Variants in CSMD1 observed in about 807,000 individuals in gnomAD.
The protein encoded by CSMD1 is CUB and sushi domain-containing protein 1.
In CSMD1, 213 loss-of-function variants were observed where a neutral mutation model predicts 417.5. The ratio of observed to expected loss-of-function variants is 0.51; its 90% CI spans 0.46 to 0.57. The LOEUF (loss-of-function observed/expected upper bound fraction) is 0.57. CSMD1 is among the 20% of genes least tolerant of loss of function. CSMD1 has a pLI of 0.00. For missense variants in CSMD1, 6,923 were observed against 4,529.7 expected, an observed-to-expected ratio of 1.53 and a Z score of -15.17; for synonymous variants, 2,862 against 1,736.8, an observed-to-expected ratio of 1.65 and a Z score of -16.11.
chr8:4,943,202 T>C (rs1417412016), intron 1 of CSMD1, among the ~76,000 whole-genome samples: 3 of 152,140 alleles, frequency 2.0e-5, no homozygotes, highest in Non-Finnish European at 2.9e-5. Flanking sequence ...TTGCACTTTA[T>C]TTGAAAATCA....
intron 30 of CSMD1, among the ~76,000 whole-genome samples, chr8:3,213,815 T>C (rs937267848): frequency 2.0e-5 from 3 of 150,060 alleles, no homozygotes; most frequent in African/African-American, 7.4e-5. Context: ...CTCATATATA[T>C]ATATGTGTGT....
chr8:3,951,306 A>G (rs1811580738), intron 5 of CSMD1, among the ~76,000 whole-genome samples: 1 of 152,150 alleles, frequency 6.6e-6, no homozygotes, highest in Non-Finnish European at 1.5e-5. Flanking sequence ...CTTCCATGGC[A>G]CCTTCTCCTC....
intron 10 of CSMD1, among the ~76,000 whole-genome samples, chr8:3,558,833 T>C (rs1238367905): frequency 3.3e-5 from 5 of 149,808 alleles, no homozygotes; most frequent in Middle Eastern, 3.4e-3. Flanking sequence ...ACTCCTCCAA[T>C]GATGAATGGT....
intron 5 of CSMD1, among the ~76,000 whole-genome samples, chr8:3,871,224 A>G (rs944448786): frequency 1.3e-5 from 2 of 152,134 alleles, no homozygotes; most frequent in African/African-American, 2.4e-5. Flanking sequence ...GAACTATATT[A>G]AAATTAGAGA....
At chr8:3,610,240 A>T (rs2469331) in intron 8 of CSMD1, among the ~76,000 whole-genome samples, 110,449 of 152,038 alleles carry the variant, frequency 0.73, 40,622 homozygotes, top group Middle Eastern at 0.82. Flanking sequence ...GTAGATATAA[A>T]CAATAAATCG....
intron 1 of CSMD1, among the ~76,000 whole-genome samples, chr8:4,988,005 T>A (rs913532847): frequency 1.3e-5 from 2 of 152,196 alleles, no homozygotes; most frequent in African/African-American, 2.4e-5. Flanking sequence ...GGAATTCACT[T>A]TGTGCTCCTG....
At position 4,256,722 on chromosome 8, in the gene CSMD1, G is replaced by A. The variant is rs528514146; in HGVS notation, c.415+163231C>T. 1.7e-3 allele frequency among the ~76,000 whole-genome samples: 266 copies of A among 152,184 alleles called. 4 individuals are homozygous for A. Among genetic ancestry groups the A allele is most frequent in the African/African-American group, 1.7e-3 (70 of 41,530 alleles). ...GGGCGTGGTGTGGGGGAAGGAAGGC[G>A]CCAGGCACAGTTACGGGCAGTGAGG... On this transcript the variant is annotated intron_variant, in intron 3 of 69. Transcript: ENST00000635120.
chr8:4,274,631 C>T (rs1244160043), intron 3 of CSMD1, among the ~76,000 whole-genome samples: 1 of 151,932 alleles, frequency 6.6e-6, no homozygotes, highest in Non-Finnish European at 1.5e-5. Context: ...AAATATCGAA[C>T]AAAAATCTAT....
chr8:3,925,700 A>C (rs1363067763), intron 5 of CSMD1, among the ~76,000 whole-genome samples: 1 of 151,994 alleles, frequency 6.6e-6, no homozygotes, highest in Non-Finnish European at 1.5e-5. Context: ...ACCACCACGT[A>C]AGAAGTGCCT....
At chr8:4,298,104 G>C (rs550659418) in intron 3 of CSMD1, among the ~76,000 whole-genome samples, 2 of 152,084 alleles carry the variant, frequency 1.3e-5, no homozygotes, top group Non-Finnish European at 2.9e-5. Flanking sequence ...TAAAGGACCT[G>C]GAGAACATCC....
At chr8:3,833,712 T>G (rs1030652272) in intron 5 of CSMD1, among the ~76,000 whole-genome samples, 3 of 152,160 alleles carry the variant, frequency 2.0e-5, no homozygotes, top group African/African-American at 7.2e-5. Flanking sequence ...TGGTTACATA[T>G]ATATAAGGTC....
intron 25 of CSMD1, among the ~76,000 whole-genome samples, chr8:3,287,551 T>A (rs1179198145): frequency 6.6e-6 from 1 of 152,134 alleles, no homozygotes; most frequent in Non-Finnish European, 1.5e-5. Flanking sequence ...GGTATTTTAT[T>A]CTCTTTGAAG....
intron 10 of CSMD1, among the ~76,000 whole-genome samples, chr8:3,513,949 G>A (rs1351231266): frequency 6.6e-6 from 1 of 152,104 alleles, no homozygotes; most frequent in African/African-American, 2.4e-5. Flanking sequence ...AGTGAGAGTA[G>A]GTACTTGTAA....
rs762215397 is a variant in CSMD1 at position 3,087,269 on chromosome 8, C to G, written c.7302G>C (p.Leu2434Phe). The G allele has an allele frequency of 1.4e-5, 22 of 1,613,756 alleles. No individual in the cohort carries two copies. In the South Asian group the frequency reaches 2.4e-4, roughly 18 times the overall value. ...KIRYAAPYCS[L>F]THPLKNGGIL... Reference sequence around the variant, plus strand: ...TACCCCCATTCTTCAGGGGGTGGGTCAAACTGCAGTAAGGTGCTGTGGGCA... The same window carrying G: ...TACCCCCATTCTTCAGGGGGTGGGTGAAACTGCAGTAAGGTGCTGTGGGCA... The change falls in exon 49 of 70, where the codon TTG becomes TTC. Residue 2434 changes from leucine (L) to phenylalanine (F), a missense_variant. By Grantham distance (22) the Leu-to-Phe change is conservative. Transcript: ENST00000635120.
chr8:4,741,721 T>A (rs1611927), intron 1 of CSMD1, among the ~76,000 whole-genome samples: 124,950 of 152,104 alleles, frequency 0.82, 51,677 homozygotes, highest in African/African-American at 0.92. Context: ...CCCACATCCC[T>A]GACATAGTAG....
chr8:4,340,429 A>G (rs1191774176), intron 3 of CSMD1, among the ~76,000 whole-genome samples: 1 of 152,072 alleles, frequency 6.6e-6, no homozygotes, highest in Non-Finnish European at 1.5e-5. Context: ...AAACTCCTCA[A>G]TTAAGCTGCG....
intron 41 of CSMD1, among the ~76,000 whole-genome samples, chr8:3,138,299 G>A (rs545141941): frequency 6.6e-6 from 1 of 152,236 alleles, no homozygotes; most frequent in South Asian, 2.1e-4. Context: ...AGGTTGGGAT[G>A]GCAGGGAACT....
At chr8:4,868,739 A>T (rs1802562111) in intron 1 of CSMD1, among the ~76,000 whole-genome samples, 3 of 151,692 alleles carry the variant, frequency 2.0e-5, no homozygotes. Flanking sequence ...ACTAGATTTG[A>T]CACTGGTGAC....
chr8:4,054,833 C>CA (rs1313864047), intron 3 of CSMD1, among the ~76,000 whole-genome samples: 1 of 152,172 alleles, frequency 6.6e-6, no homozygotes, highest in Non-Finnish European at 1.5e-5. Context: ...TATCTAGCCA[C>CA]AGCAGCCCAC....
Sources: gnomAD v4.1 joint callset for allele counts (sites outside exome capture counted in the v4.1 genomes callset) on GRCh38, gnomAD v4.1.1 for gene constraint, MANE v1.5 for transcripts, NCBI Gene and HGNC (gene_info 2026-07-23, HGNC 2026-07-21) for gene names.